Variants in ZNF654 observed in about 807,000 individuals in gnomAD.
ZNF654 encodes zinc finger protein 654.
Under a neutral mutation model 95.3 loss-of-function variants are expected in ZNF654, and 19 were observed. The observed-to-expected ratio is 0.20, with a 90% CI of 0.14 to 0.29. The LOEUF (loss-of-function observed/expected upper bound fraction) is 0.29, where lower values mean the gene tolerates loss of function less well. Ranked by LOEUF, ZNF654 falls within the 10% of genes least tolerant of loss-of-function variation. ZNF654 has a pLI of 1.00. For synonymous variants in ZNF654, 413 were observed against 457.9 expected, an observed-to-expected ratio of 0.90 and a Z score of 1.25; for missense variants, 1,046 against 1,341.0, an observed-to-expected ratio of 0.78 and a Z score of 3.44.
intron 3 of ZNF654, among the ~76,000 whole-genome samples, chr3:88,115,335 C>G (rs1705326801): frequency 6.6e-6 from 1 of 152,192 alleles, no homozygotes; most frequent in Non-Finnish European, 1.5e-5. Context: ...TACACTGTGT[C>G]ATCCTGGGCA....
intron 3 of ZNF654, among the ~76,000 whole-genome samples, chr3:88,121,905 A>G (rs965792354): frequency 4.1e-4 from 62 of 152,178 alleles, no homozygotes; most frequent in African/African-American, 1.4e-3. Context: ...TTCCATTTAC[A>G]CAGATTTCCA....
At chr3:88,066,816 T>C (rs1559686693) in intron 1 of ZNF654, among the ~76,000 whole-genome samples, 1 of 152,134 alleles carries the variant, frequency 6.6e-6, no homozygotes, top group Admixed American at 6.5e-5. Context: ...ACAAGAACTT[T>C]ACGAAACCTG....
At chr3:88,131,518 A>G (rs1706463786) in intron 6 of ZNF654, among the ~76,000 whole-genome samples, 1 of 152,130 alleles carries the variant, frequency 6.6e-6, no homozygotes, top group Non-Finnish European at 1.5e-5. Flanking sequence ...AGTATACACA[A>G]ACACACACAC....
intron 1 of ZNF654, among the ~76,000 whole-genome samples, chr3:88,067,223 G>A (rs769499828): frequency 2.0e-5 from 3 of 152,170 alleles, no homozygotes; most frequent in African/African-American, 7.2e-5. Context: ...GAAAAGATAC[G>A]CAATACTATA....
chr3:88,116,939 G>A (rs1160617936), intron 3 of ZNF654, among the ~76,000 whole-genome samples: 2 of 152,072 alleles, frequency 1.3e-5, no homozygotes, highest in Non-Finnish European at 2.9e-5. Flanking sequence ...GACTAAAGAG[G>A]ATAAATACCT....
At position 88,140,499 on chromosome 3, in the gene ZNF654, G is replaced by A. The variant is rs773897741; in HGVS notation, c.2830G>A (p.Glu944Lys). The stretch of plus-strand genomic sequence containing the variant: ...AGACAGTTTAGTTCAGAATGGAAAC[G>A]AACGTTCTGATGACACTGTTTCAAA... ...KTDSLVQNGN[E>K]RSDDTVSNIS... is the part of the protein sequence containing the mutation. Residue 944 changes from glutamate to lysine, a missense_variant, in exon 8 of 9, where the codon GAA (glutamate) becomes AAA (lysine). By Grantham distance (56) the Glu-to-Lys change is moderately conservative. Coordinates refer to ENST00000636215, the MANE Select transcript of ZNF654 (RefSeq NM_001350134.2). The A allele has an allele frequency of 7.1e-5, 115 of 1,613,558 alleles. No individual in the cohort carries two copies. The South Asian group carries it at 8.1e-4, about 11-fold the overall frequency.
chr3:88,136,248 T>C (rs1706776884), intron 7 of ZNF654, among the ~76,000 whole-genome samples: 1 of 152,222 alleles, frequency 6.6e-6, no homozygotes, highest in South Asian at 2.1e-4. Context: ...TATATTATTA[T>C]AGAAAGTTTA....
At position 88,139,774 on chromosome 3, in the gene ZNF654, A is replaced by G; in HGVS notation, c.2105A>G (p.Glu702Gly). The G allele has an allele frequency of 6.4e-7, 1 of 1,554,526 alleles. No homozygotes were observed. The change falls in exon 8 of 9, where the codon GAG becomes GGG. Residue 702 changes from glutamate to glycine, a missense_variant. By Grantham distance (98) the Glu-to-Gly change is moderately conservative. This residue lies in a region of ZNF654 where 495 missense variants were observed against 537.0 expected (regional missense o/e 0.92). Coordinates refer to ENST00000636215, the MANE Select transcript of ZNF654 (RefSeq NM_001350134.2). Reference sequence around the variant, plus strand: ...ACTGAATGTGGGGATGATTATGAGGAGGAAGAGGATGAAGAAGGTGATTAT... The same window carrying G: ...ACTGAATGTGGGGATGATTATGAGGGGGAAGAGGATGAAGAAGGTGATTAT... ...PLTECGDDYE[E>G]EEDEEGDYEE...
chr3:88,091,488 T>C (rs1708627313), intron 2 of ZNF654, among the ~76,000 whole-genome samples: 1 of 152,220 alleles, frequency 6.6e-6, no homozygotes, highest in Admixed American at 6.5e-5. Flanking sequence ...ATAATCTTTG[T>C]TAACTTTAGT....
chr3:88,075,594 C>T (rs1254228224), intron 1 of ZNF654, among the ~76,000 whole-genome samples: 1 of 152,124 alleles, frequency 6.6e-6, no homozygotes, highest in Non-Finnish European at 1.5e-5. Context: ...TTTAATTATT[C>T]CAGGCCTTGC....
chr3:88,104,870 G>T (rs533881787), intron 2 of ZNF654, among the ~76,000 whole-genome samples: 3 of 152,236 alleles, frequency 2.0e-5, no homozygotes, highest in Admixed American at 1.3e-4. Flanking sequence ...CAGGCACAGT[G>T]GCTTACGCCT....
At chr3:88,069,010 G>A (rs1265236601) in intron 1 of ZNF654, among the ~76,000 whole-genome samples, 1 of 152,154 alleles carries the variant, frequency 6.6e-6, no homozygotes, top group Non-Finnish European at 1.5e-5. Context: ...TTTTGATTGA[G>A]TGGAAGCAGT....
intron 1 of ZNF654, among the ~76,000 whole-genome samples, chr3:88,062,861 C>T (rs1330528747): frequency 6.6e-6 from 1 of 152,122 alleles, no homozygotes; most frequent in Non-Finnish European, 1.5e-5. Context: ...TAGGTAGATG[C>T]TATTAATATT....
chr3:88,134,661 T>C (rs1027933964), intron 6 of ZNF654, among the ~76,000 whole-genome samples: 2 of 152,104 alleles, frequency 1.3e-5, no homozygotes, highest in Non-Finnish European at 2.9e-5. Flanking sequence ...AAATGAAAAA[T>C]ATGAACCATT....
Position 88,140,988 on chromosome 3 carries a change from G to C in ZNF654, c.3319G>C (p.Glu1107Gln). 6.2e-7 allele frequency: 1 copy of C among 1,613,020 alleles called. No individual in the cohort carries two copies. Among genetic ancestry groups the C allele is most frequent in the Non-Finnish European group, 8.5e-7 (1 of 1,179,428 alleles). ...CACCTACTGTAATGCAGAAGCACTT[G>C]AGGCTCATCTTGCACAAAAGAAATG... Reference protein sequence around the residue: ...LTTYCNAEALEAHLAQKKCQT... With the variant: ...LTTYCNAEALQAHLAQKKCQT... The change falls in exon 8 of 9, where the codon GAG becomes CAG. Residue 1107 changes from glutamate to glutamine, a missense_variant. This residue lies in a region of ZNF654 where 59 missense variants were observed against 73.0 expected (regional missense o/e 0.81). Transcript: ENST00000636215.
At chr3:88,127,124 G>T (rs1295364236) in intron 4 of ZNF654, among the ~76,000 whole-genome samples, 1 of 152,206 alleles carries the variant, frequency 6.6e-6, no homozygotes, top group Non-Finnish European at 1.5e-5. Context: ...ATTTAAAAGT[G>T]TGGAGAGAGC....
At chr3:88,104,613 G>A (rs1264620372) in intron 2 of ZNF654, among the ~76,000 whole-genome samples, 5 of 152,156 alleles carry the variant, frequency 3.3e-5, no homozygotes, top group Non-Finnish European at 5.9e-5. Flanking sequence ...TATACCTAAA[G>A]CACCATAATA....
At chr3:88,128,018 C>T (rs1387950150) in intron 4 of ZNF654, among the ~76,000 whole-genome samples, 1 of 152,124 alleles carries the variant, frequency 6.6e-6, no homozygotes, top group African/African-American at 2.4e-5. Flanking sequence ...TAAAATACTT[C>T]TGGATTCAAA....
At chr3:88,081,825 T>C (rs1708090614) in intron 1 of ZNF654, among the ~76,000 whole-genome samples, 1 of 152,210 alleles carries the variant, frequency 6.6e-6, no homozygotes, top group Non-Finnish European at 1.5e-5. Flanking sequence ...GGCCAAGATT[T>C]GGGCACTAAG....
Sources: gnomAD v4.1 joint callset for allele counts (sites outside exome capture counted in the v4.1 genomes callset) on GRCh38, gnomAD v4.1.1 for gene constraint, gnomAD v4.1.1 regional missense constraint, MANE v1.5 for transcripts, NCBI Gene and HGNC (gene_info 2026-07-23, HGNC 2026-07-21) for gene names.